The following SLC16A12 variants were observed in gnomAD, a reference collection of about 807,000 sequenced individuals.
SLC16A12 encodes the protein monocarboxylate transporter 12.
SLC16A12 carries 17 observed loss-of-function variants against 42.4 expected under a neutral mutation model. The ratio of observed to expected loss-of-function variants is 0.40; its 90% CI spans 0.27 to 0.60. The LOEUF (loss-of-function observed/expected upper bound fraction) is 0.60, where lower values mean the gene tolerates loss of function less well. SLC16A12 is among the 20% of genes least tolerant of loss of function. The pLI is 0.42. For missense variants in SLC16A12, 544 were observed against 623.0 expected, an observed-to-expected ratio of 0.87 and a Z score of 1.35; for synonymous variants, 224 against 229.4, an observed-to-expected ratio of 0.98 and a Z score of 0.21.
intron 4 of SLC16A12, among the ~76,000 whole-genome samples, chr10:89,442,753 T>G (rs746315432): frequency 6.6e-6 from 1 of 152,214 alleles, no homozygotes; most frequent in Non-Finnish European, 1.5e-5. Flanking sequence ...ACAAATATTA[T>G]ACATTTCAGT....
chr10:89,476,483 C>G (rs1842582694), intron 2 of SLC16A12, among the ~76,000 whole-genome samples: 2 of 152,126 alleles, frequency 1.3e-5, no homozygotes, highest in South Asian at 4.1e-4. Context: ...TGTGAGATCC[C>G]TAAGAGGAGG....
At chr10:89,538,095 G>C (rs970029305), upstream of SLC16A12, among the ~76,000 whole-genome samples, 2 of 152,262 alleles carry the variant, frequency 1.3e-5, no homozygotes, top group Admixed American at 1.3e-4. Flanking sequence ...CAGCATGGAA[G>C]TGGAGAAAGG....
At chr10:89,442,170 T>C (rs1275060133) in intron 4 of SLC16A12, among the ~76,000 whole-genome samples, 1 of 152,184 alleles carries the variant, frequency 6.6e-6, no homozygotes, top group Non-Finnish European at 1.5e-5. Context: ...CAGACTGAAA[T>C]TGGGGGTCAA....
At chr10:89,451,632 G>A (rs1251255928) in intron 3 of SLC16A12, among the ~76,000 whole-genome samples, 1 of 152,002 alleles carries the variant, frequency 6.6e-6, no homozygotes, top group African/African-American at 2.4e-5. Flanking sequence ...GGCTGGTCTC[G>A]AACTCCTGAC....
chr10:89,550,060 C>G (rs1843761656), intron 2 of SLC16A12, among the ~76,000 whole-genome samples: 1 of 152,128 alleles, frequency 6.6e-6, no homozygotes, highest in South Asian at 2.1e-4. Flanking sequence ...CAAGTCCTGT[C>G]AATTGTCTCA....
intron 3 of SLC16A12, among the ~76,000 whole-genome samples, chr10:89,455,738 G>T (rs1316756764): frequency 1.3e-5 from 2 of 152,162 alleles, no homozygotes; most frequent in African/African-American, 4.8e-5. Flanking sequence ...GTGAAGCAGG[G>T]TCCTGATCCC....
At chr10:89,529,390 G>T (rs1293525390) in intron 2 of SLC16A12, among the ~76,000 whole-genome samples, 1 of 151,684 alleles carries the variant, frequency 6.6e-6, no homozygotes, top group African/African-American at 2.4e-5. Flanking sequence ...AAATGATTTG[G>T]GTGATAATTT....
At chr10:89,434,695 C>A (rs546617045) in intron 7 of SLC16A12, among the ~76,000 whole-genome samples, 1 of 152,298 alleles carries the variant, frequency 6.6e-6, no homozygotes, top group African/African-American at 2.4e-5. Flanking sequence ...TCTTTCTAGG[C>A]AAAGTTTTGG....
At chr10:89,531,780 A>G (rs1843559723) in intron 2 of SLC16A12, among the ~76,000 whole-genome samples, 1 of 152,212 alleles carries the variant, frequency 6.6e-6, no homozygotes, top group Admixed American at 6.5e-5. Context: ...AGATAGGTAT[A>G]TCCTCTGCCT....
At chr10:89,503,412 C>T (rs1843015860) in intron 2 of SLC16A12, among the ~76,000 whole-genome samples, 1 of 152,146 alleles carries the variant, frequency 6.6e-6, no homozygotes, top group African/African-American at 2.4e-5. Flanking sequence ...TAAAAGGTCC[C>T]CATAAAATCC....
At chr10:89,538,479 T>C (rs953170214), upstream of SLC16A12, among the ~76,000 whole-genome samples, 1 of 152,234 alleles carries the variant, frequency 6.6e-6, no homozygotes, top group African/African-American at 2.4e-5. Context: ...GGCTAATGTC[T>C]ACCATACTGG....
chr10:89,455,534 T>C (rs924774633), intron 3 of SLC16A12, among the ~76,000 whole-genome samples: 1 of 152,204 alleles, frequency 6.6e-6, no homozygotes, highest in Non-Finnish European at 1.5e-5. Flanking sequence ...TCATGAAATA[T>C]GGGAAGAATA....
At chr10:89,443,652 G>A in intron 4 of SLC16A12, 104 bp downstream of exon 4, 1 of 844,604 alleles carries the variant, frequency 1.2e-6, no homozygotes, top group Non-Finnish European at 2.0e-6. Flanking sequence ...TTTTAATGTA[G>A]CCCTTCTACT....
At chr10:89,464,141 G>C (rs1179842069) in intron 2 of SLC16A12, among the ~76,000 whole-genome samples, 2 of 152,208 alleles carry the variant, frequency 1.3e-5, no homozygotes, top group African/African-American at 4.8e-5. Flanking sequence ...TAGATGCCAA[G>C]GGCAGCCTCC....
chr10:89,445,560 G>A (rs528031123), intron 3 of SLC16A12, among the ~76,000 whole-genome samples: 9 of 152,234 alleles, frequency 5.9e-5, no homozygotes, highest in Admixed American at 2.0e-4. Flanking sequence ...TAACATCAAC[G>A]TCAACAAAAA....
intron 4 of SLC16A12, among the ~76,000 whole-genome samples, chr10:89,442,872 A>G (rs1272416567): frequency 1.3e-5 from 2 of 152,230 alleles, no homozygotes; most frequent in Non-Finnish European, 2.9e-5. Flanking sequence ...TACAGGTATT[A>G]TTTCCCTTTT....
Position 89,534,644 on chromosome 10 carries a change from C to CAAAAAAAAAAAAA in SLC16A12, c.-186-17_-186-5dup, listed in dbSNP as rs55935286. 23 of 52,276 alleles carry CAAAAAAAAAAAAA rather than the reference C, an allele frequency of 4.4e-4. No individual in the cohort carries two copies. The highest frequency in any genetic ancestry group is 9.2e-4 in the African/African-American group (9 of 9,836). 3.2% of individuals were successfully genotyped at this position (52,276 alleles called of 1,614,324 possible). On this transcript the variant is annotated splice_region_variant and splice_polypyrimidine_tract_variant and intron_variant, in intron 1 of 7. Coordinates refer to ENST00000371790, the MANE Select transcript of SLC16A12 (RefSeq NM_213606.4). ...CCAATATGTCGAAATCCTGTATCTG[C>CAAAAAAAAAAAAA]AAAAAAAAAAAAAAAAAAAAAAAAA...
intron 1 of SLC16A12, among the ~76,000 whole-genome samples, chr10:89,534,843 G>C (rs184601359): frequency 1.3e-5 from 2 of 151,676 alleles, no homozygotes; most frequent in Admixed American, 1.3e-4. Flanking sequence ...TAAATAAATA[G>C]TATAAGAGGT....
At chr10:89,457,274 C>A (rs972544521) in intron 3 of SLC16A12, among the ~76,000 whole-genome samples, 2 of 151,846 alleles carry the variant, frequency 1.3e-5, no homozygotes, top group Non-Finnish European at 2.9e-5. Context: ...CTTAAACAAA[C>A]TTACAAGAAA....
Sources: allele counts gnomAD v4.1 joint callset (sites outside exome capture counted in the v4.1 genomes callset), GRCh38; gene constraint gnomAD v4.1.1; transcripts MANE v1.5; gene names NCBI Gene and HGNC (gene_info 2026-07-23, HGNC 2026-07-21).